ADGRD1: variants seen among roughly 807,000 people sequenced by gnomAD.
The protein encoded by ADGRD1 is G-protein coupled receptor 133.
A neutral mutation model predicts 113.4 loss-of-function variants in ADGRD1; 77 were observed. That is an observed-to-expected ratio of 0.68 (90% CI 0.57 to 0.82). The LOEUF (loss-of-function observed/expected upper bound fraction) is 0.82. Ranked by LOEUF, ADGRD1 falls within the 40% of genes least tolerant of loss-of-function variation. ADGRD1 has a pLI of 0.00. For missense variants in ADGRD1, 1,036 were observed against 1,139.1 expected (o/e 0.91, Z 1.30); for synonymous variants, 474 against 475.0 (o/e 1.00, Z 0.03).
In ADGRD1 at chr12:131,022,671, C is replaced by T. The variant is rs909596548; in HGVS notation, c.1473+8331C>T. ...GATGCCTCCCTCATTTTCTGAGTCCCTCCTTACATTCAGGCATTAAAGATA... is the reference window on the plus strand; with the variant it reads ...GATGCCTCCCTCATTTTCTGAGTCCTTCCTTACATTCAGGCATTAAAGATA... On this transcript the variant is annotated intron_variant, in intron 13 of 24. Transcript: ENST00000261654. The surrounding 1 kb of genome is among the most constrained non-coding windows in gnomAD (Gnocchi z 4.6). The T allele has an allele frequency of 2.0e-5, 3 of 152,142 alleles. No homozygotes were observed. The highest frequency in any genetic ancestry group is 2.0e-4 in the Admixed American group (3 of 15,282). 9.4% of individuals were successfully genotyped at this position (152,142 alleles called of 1,614,324 possible). A position where few individuals can be genotyped will look rare whatever the true frequency, so the allele number is the denominator to read the frequency against.
chr12:130,961,879 A>G (rs1870405886), intron 2 of ADGRD1, among the ~76,000 whole-genome samples: 1 of 152,204 alleles, frequency 6.6e-6, no homozygotes, highest in African/African-American at 2.4e-5. Context: ...AGACCTGACA[A>G]TCCTGGGCAA....
intron 8 of ADGRD1, among the ~76,000 whole-genome samples, chr12:130,996,041 C>T (rs1875270799): frequency 6.6e-6 from 1 of 152,128 alleles, no homozygotes; most frequent in Non-Finnish European, 1.5e-5. Context: ...CGCCCTTAAT[C>T]CATTTAACCC....
At chr12:131,012,553 G>C (rs1233695422) in intron 12 of ADGRD1, among the ~76,000 whole-genome samples, 1 of 152,194 alleles carries the variant, frequency 6.6e-6, no homozygotes, top group Non-Finnish European at 1.5e-5. Context: ...GAATAATTCT[G>C]CGTGCTTCTT....
At chr12:131,115,837 G>A (rs1342437661) in intron 18 of ADGRD1, among the ~76,000 whole-genome samples, 1 of 152,118 alleles carries the variant, frequency 6.6e-6, no homozygotes, top group Non-Finnish European at 1.5e-5. Context: ...TCATCGAGGG[G>A]CTCATCATTC....
intron 13 of ADGRD1, among the ~76,000 whole-genome samples, chr12:131,063,795 TTAGAG>T (rs1332971831): frequency 6.6e-6 from 1 of 152,234 alleles, no homozygotes; most frequent in African/African-American, 2.4e-5. Context: ...AAGATGAACT[TTAGAG>T]TAAGATTTTC....
intron 14 of ADGRD1, among the ~76,000 whole-genome samples, chr12:131,079,492 G>A (rs942200689): frequency 1.3e-5 from 2 of 152,098 alleles, no homozygotes; most frequent in Non-Finnish European, 2.9e-5. Context: ...TTATATCGAG[G>A]TAATGATACC....
intron 2 of ADGRD1, among the ~76,000 whole-genome samples, chr12:130,963,319 C>CAAA (rs61220467): frequency 3.2e-4 from 24 of 74,908 alleles, no homozygotes; most frequent in African/African-American, 7.4e-4. Context: ...GACTCCGTCT[C>CAAA]AAAAAAAAAA....
At chr12:131,103,299 C>T (rs1687194079) in intron 15 of ADGRD1, among the ~76,000 whole-genome samples, 1 of 152,264 alleles carries the variant, frequency 6.6e-6, no homozygotes, top group Admixed American at 6.5e-5. Context: ...CTGAAGGGGG[C>T]CAGGCCAAGG....
chr12:131,021,267 T>C (rs1278870589), intron 13 of ADGRD1, among the ~76,000 whole-genome samples: 1 of 152,182 alleles, frequency 6.6e-6, no homozygotes, highest in Non-Finnish European at 1.5e-5. Flanking sequence ...TGCAGCTTTT[T>C]TTCAGTCCCG....
chr12:131,124,817 C>T (rs961568800), intron 20 of ADGRD1, among the ~76,000 whole-genome samples: 8 of 152,216 alleles, frequency 5.3e-5, no homozygotes, highest in African/African-American at 1.2e-4. Flanking sequence ...TTCATTCACT[C>T]GGTGATTCTA....
rs564007434 is a variant in ADGRD1 at position 130,997,587 on chromosome 12, C to T, written c.967-2796C>T. 4.0e-5 allele frequency among the ~76,000 whole-genome samples: 6 copies of T among 151,778 alleles called. No individual in the cohort carries two copies. In the South Asian group the frequency reaches 1.3e-3, roughly 32 times the overall value. ...GACGGGGCGGCGGGGCAAAGGCGCT[C>T]CCCACATCTCAGACGATGGGCGGCC... On this transcript the variant is annotated intron_variant, in intron 8 of 24. Transcript: ENST00000261654.
At chr12:131,018,112 A>G (rs2136845187) in intron 13 of ADGRD1, among the ~76,000 whole-genome samples, 1 of 152,250 alleles carries the variant, frequency 6.6e-6, no homozygotes, top group African/African-American at 2.4e-5. Flanking sequence ...TTTGTCTGGT[A>G]TGGCTTCTCC....
At chr12:131,006,072 A>C in intron 12 of ADGRD1, 25 bp downstream of exon 12, 42 of 1,602,726 alleles carry the variant, frequency 2.6e-5, no homozygotes, top group Non-Finnish European at 3.4e-5. Flanking sequence ...TGCTCAGCTC[A>C]GGGGCGTGGG....
At chr12:130,956,609 C>G (rs925654127) in intron 2 of ADGRD1, 2 of 152,286 alleles carry the variant, frequency 1.3e-5, no homozygotes, top group Admixed American at 6.5e-5. Flanking sequence ...GGTAGCCCCT[C>G]GAACTGCAGG....
intron 15 of ADGRD1, among the ~76,000 whole-genome samples, chr12:131,094,818 G>A (rs1220496123): frequency 3.9e-5 from 6 of 152,330 alleles, no homozygotes; most frequent in South Asian, 4.1e-4. Context: ...ACGGGTGCAC[G>A]CTGTTCCCGC....
At chr12:130,963,349 A>ATTC (rs764808278) in intron 2 of ADGRD1, among the ~76,000 whole-genome samples, 5,535 of 149,676 alleles carry the variant, frequency 0.037, 141 homozygotes, top group Middle Eastern at 0.075. Context: ...AAAAGAAAGA[A>ATTC]AAATTCAAAT....
At chr12:131,088,987 C>T (rs1311370229) in intron 15 of ADGRD1, among the ~76,000 whole-genome samples, 2 of 152,116 alleles carry the variant, frequency 1.3e-5, no homozygotes, top group Admixed American at 6.5e-5. Flanking sequence ...CGACAAGGCC[C>T]GGGTGGAGTG....
chr12:131,056,861 C>G (rs894788753), intron 13 of ADGRD1, among the ~76,000 whole-genome samples: 3 of 152,130 alleles, frequency 2.0e-5, no homozygotes, highest in Non-Finnish European at 4.4e-5. Flanking sequence ...GGTGTTAATA[C>G]AGCTTCCAGG....
intron 13 of ADGRD1, among the ~76,000 whole-genome samples, chr12:131,059,422 C>T (rs1359901976): frequency 6.6e-6 from 1 of 152,220 alleles, no homozygotes; most frequent in Non-Finnish European, 1.5e-5. Context: ...CTTAAGTGAT[C>T]TGCCCCCCTC....
Sources: allele counts gnomAD v4.1 joint callset (sites outside exome capture counted in the v4.1 genomes callset), GRCh38; gene constraint gnomAD v4.1.1; non-coding constraint Gnocchi (gnomAD v3.1); transcripts MANE v1.5; gene names NCBI Gene and HGNC (gene_info 2026-07-23, HGNC 2026-07-21).